PALLD: variants seen among roughly 807,000 people sequenced by gnomAD.
PALLD encodes the protein palladin, cytoskeletal associated protein, also known as palladin.
Under a neutral mutation model 123.5 loss-of-function variants are expected in PALLD, and 61 were observed. The ratio of observed to expected loss-of-function variants is 0.49; its 90% CI spans 0.40 to 0.61. The LOEUF (loss-of-function observed/expected upper bound fraction) is 0.61. Ranked by LOEUF, PALLD falls within the 20% of genes least tolerant of loss-of-function variation. PALLD has a pLI of 0.00. For missense variants in PALLD, 1,273 were observed against 1,377.0 expected (o/e 0.92, Z 1.20); for synonymous variants, 465 against 496.4 (o/e 0.94, Z 0.84).
chr4:168,502,039 A>T (rs904481845), intron 1 of PALLD, among the ~76,000 whole-genome samples: 1 of 152,208 alleles, frequency 6.6e-6, no homozygotes, highest in Admixed American at 6.5e-5. Context: ...CTCTTCTTAG[A>T]ATCTTAACTC....
At chr4:168,617,880 C>T (rs997423224) in intron 2 of PALLD, among the ~76,000 whole-genome samples, 1 of 152,098 alleles carries the variant, frequency 6.6e-6, no homozygotes, top group African/African-American at 2.4e-5. Context: ...TTATGAAGCT[C>T]CCTCCACCAG....
intron 10 of PALLD, among the ~76,000 whole-genome samples, chr4:168,855,089 CTTTTTTT>C (rs11338063): frequency 4.8e-5 from 5 of 103,966 alleles, no homozygotes; most frequent in African/African-American, 1.8e-4. Context: ...AAGGAATGTT[CTTTTTTT>C]TTTTTTTTTT....
At chr4:168,878,519 C>A in intron 10 of PALLD, 1 of 631,528 alleles carries the variant, frequency 1.6e-6, no homozygotes, top group South Asian at 2.9e-5. Context: ...ACATTTCACA[C>A]ATTTCTCTCC....
At chr4:168,710,353 T>C (rs1264308543) in intron 9 of PALLD, among the ~76,000 whole-genome samples, 3 of 152,186 alleles carry the variant, frequency 2.0e-5, no homozygotes, top group African/African-American at 7.2e-5. Context: ...TTTAATTGCC[T>C]CATCTCTGCC....
chr4:168,834,711 T>G (rs1744871726), intron 10 of PALLD, among the ~76,000 whole-genome samples: 1 of 152,158 alleles, frequency 6.6e-6, no homozygotes, highest in Non-Finnish European at 1.5e-5. Flanking sequence ...CACTCCAGCC[T>G]GGGTGTCAGA....
At chr4:168,917,982 C>CTT (rs1560921275) in intron 17 of PALLD, among the ~76,000 whole-genome samples, 1 of 151,912 alleles carries the variant, frequency 6.6e-6, no homozygotes. Context: ...GGGCGGATCA[C>CTT]GAGGTCAGGA....
intron 2 of PALLD, among the ~76,000 whole-genome samples, chr4:168,534,882 G>A (rs907715006): frequency 6.6e-6 from 1 of 152,078 alleles, no homozygotes; most frequent in African/African-American, 2.4e-5. Context: ...AATGACTACT[G>A]AGGATTATTC....
intron 10 of PALLD, among the ~76,000 whole-genome samples, chr4:168,840,257 G>A (rs1286256543): frequency 1.3e-5 from 2 of 152,040 alleles, no homozygotes; most frequent in African/African-American, 4.8e-5. Flanking sequence ...AATCTGTCCT[G>A]GCAAGTGACT....
At chr4:168,723,461 G>T (rs1289291080) in intron 10 of PALLD, among the ~76,000 whole-genome samples, 1 of 152,164 alleles carries the variant, frequency 6.6e-6, no homozygotes, top group Non-Finnish European at 1.5e-5. Context: ...CTAAGGAAAA[G>T]GTTTGAGGAA....
rs577454433 is a variant in PALLD, at chr4:168,926,290, G to C, written c.*110G>C. 4.5e-5 allele frequency: 69 copies of C among 1,537,120 alleles called. No homozygotes were observed. The highest frequency in any genetic ancestry group is 5.9e-5 in the Non-Finnish European group (68 of 1,146,806). On this transcript the variant is annotated 3_prime_UTR_variant, in exon 22 of 22. Coordinates refer to ENST00000505667, the MANE Select transcript of PALLD (RefSeq NM_001166108.2). ...AGCCAGTCGCTATGCAGCACTTTCG[G>C]ACCAGGGACTAGACATCAAAGCAGC...
intron 10 of PALLD, among the ~76,000 whole-genome samples, chr4:168,807,719 C>G (rs1297310451): frequency 6.7e-6 from 1 of 149,628 alleles, no homozygotes; most frequent in Non-Finnish European, 1.5e-5. Context: ...TCGTTTTTTC[C>G]TTTGAGATAG....
intron 10 of PALLD, among the ~76,000 whole-genome samples, chr4:168,868,391 T>C (rs1225048138): frequency 6.6e-6 from 1 of 152,208 alleles, no homozygotes; most frequent in Non-Finnish European, 1.5e-5. Flanking sequence ...CTGCCACACT[T>C]GGAGTTTCAG....
chr4:168,878,438 C>A, intron 10 of PALLD: 1 of 1,410,548 alleles, frequency 7.1e-7, no homozygotes, highest in Non-Finnish European at 9.3e-7. Flanking sequence ...CCCTCCGCCT[C>A]GGGTCGCCCT....
At chr4:168,775,449 C>CTT (rs761024901) in intron 10 of PALLD, among the ~76,000 whole-genome samples, 5 of 152,198 alleles carry the variant, frequency 3.3e-5, no homozygotes, top group Non-Finnish European at 7.4e-5. Flanking sequence ...GATACAAGTT[C>CTT]TTTATCAGAC....
chr4:168,873,712 T>G (rs1204110297), intron 10 of PALLD, among the ~76,000 whole-genome samples: 1 of 152,242 alleles, frequency 6.6e-6, no homozygotes, highest in African/African-American at 2.4e-5. Flanking sequence ...CCAGGCTTTC[T>G]GAGCCAGCCA....
intron 2 of PALLD, among the ~76,000 whole-genome samples, chr4:168,661,875 A>G (rs1442354891): frequency 2.6e-5 from 4 of 152,224 alleles, no homozygotes; most frequent in East Asian, 1.9e-4. Context: ...ATCTAAAAAT[A>G]TAATGACAAC....
intron 2 of PALLD, among the ~76,000 whole-genome samples, chr4:168,647,506 GC>G (rs1335063934): frequency 6.6e-6 from 1 of 152,054 alleles, no homozygotes; most frequent in Non-Finnish European, 1.5e-5. Context: ...ATGTGGCCGG[GC>G]GTGTAGCTCA....
intron 2 of PALLD, among the ~76,000 whole-genome samples, chr4:168,638,983 A>G (rs924676189): frequency 2.6e-5 from 4 of 151,908 alleles, no homozygotes; most frequent in Non-Finnish European, 5.9e-5. Context: ...AACATCCTAC[A>G]TTCTCTTCCC....
At chr4:168,500,859 T>C (rs1418901489) in intron 1 of PALLD, among the ~76,000 whole-genome samples, 3 of 152,228 alleles carry the variant, frequency 2.0e-5, no homozygotes, top group Non-Finnish European at 4.4e-5. Flanking sequence ...TATACATTTA[T>C]GCCTATAGTA....
Sources: allele counts gnomAD v4.1 joint callset (sites outside exome capture counted in the v4.1 genomes callset), GRCh38; gene constraint gnomAD v4.1.1; transcripts MANE v1.5; gene names NCBI Gene and HGNC (gene_info 2026-07-23, HGNC 2026-07-21).